Variants in EBF3 observed in about 807,000 individuals in gnomAD.
EBF3 encodes transcription factor COE3.
A neutral mutation model predicts 77.1 loss-of-function variants in EBF3; 18 were observed. The observed-to-expected ratio is 0.23, with a 90% CI of 0.16 to 0.35. The LOEUF (loss-of-function observed/expected upper bound fraction) is 0.35, where lower values mean the gene tolerates loss of function less well. EBF3 is among the 10% of genes least tolerant of loss of function. The pLI is 1.00. For synonymous variants in EBF3, 350 were observed against 343.5 expected, an observed-to-expected ratio of 1.02 and a Z score of -0.21; for missense variants, 558 against 860.0, an observed-to-expected ratio of 0.65 and a Z score of 4.39.
Position 129,963,832 on chromosome 10 carries a change from G to A in EBF3, c.-64C>T. ...CGTTTCCTCGAGCAGCGGCGCTCGGGGCTTGGCGGCAGGCGGCTGCCCTGG... is the reference window on the plus strand; with the variant it reads ...CGTTTCCTCGAGCAGCGGCGCTCGGAGCTTGGCGGCAGGCGGCTGCCCTGG... On this transcript the variant is annotated 5_prime_UTR_variant, in exon 1 of 17. Transcript: ENST00000440978. The surrounding 1 kb of genome is among the most constrained non-coding windows in gnomAD (Gnocchi z 7.1). 1 of 1,458,124 alleles carries A rather than the reference G, an allele frequency of 6.9e-7. No homozygotes were observed. The highest frequency in any genetic ancestry group is 9.1e-7 in the Non-Finnish European group (1 of 1,093,214). The allele number at this position is 1,458,124 out of a possible 1,614,324, so 90.3% of individuals were successfully genotyped here.
At chr10:129,887,862 G>A (rs1853718559) in intron 6 of EBF3, among the ~76,000 whole-genome samples, 2 of 152,230 alleles carry the variant, frequency 1.3e-5, no homozygotes, top group Non-Finnish European at 2.9e-5. Context: ...CCTGGCGAAT[G>A]GTAAGAGGCA....
At chr10:129,840,723 C>T (rs1849974896) in intron 14 of EBF3, 121 bp downstream of exon 14, 7 of 1,408,472 alleles carry the variant, frequency 5.0e-6, no homozygotes, top group Non-Finnish European at 6.7e-6. Flanking sequence ...CGCCCAGCCT[C>T]CAGGGCCACC....
At chr10:129,927,367 C>T (rs1856743635) in intron 6 of EBF3, among the ~76,000 whole-genome samples, 1 of 152,204 alleles carries the variant, frequency 6.6e-6, no homozygotes, top group Non-Finnish European at 1.5e-5. Context: ...CATAAATACC[C>T]TCAGAGAGCA....
At chr10:129,948,705 T>C (rs1208527937) in intron 6 of EBF3, among the ~76,000 whole-genome samples, 1 of 152,180 alleles carries the variant, frequency 6.6e-6, no homozygotes. Flanking sequence ...CTCTAAAAAA[T>C]AGTCTATTCA....
At chr10:129,850,284 C>A (rs940786363) in intron 10 of EBF3, among the ~76,000 whole-genome samples, 1 of 152,232 alleles carries the variant, frequency 6.6e-6, no homozygotes, top group Non-Finnish European at 1.5e-5. Context: ...AGGTGATAGA[C>A]GCTTTAATGC....
intron 8 of EBF3, among the ~76,000 whole-genome samples, chr10:129,868,347 C>T (rs372260237): frequency 6.6e-6 from 1 of 152,120 alleles, no homozygotes; most frequent in South Asian, 2.1e-4. Flanking sequence ...TTTTTTCATC[C>T]GCGAACTTTG....
chr10:129,936,268 C>G (rs1014732519), intron 6 of EBF3, among the ~76,000 whole-genome samples: 1 of 152,202 alleles, frequency 6.6e-6, no homozygotes, highest in Non-Finnish European at 1.5e-5. Context: ...TGGCTTCTAC[C>G]AGGTGGAACC....
At chr10:129,896,800 A>ACGCCCAGCC (rs978631727) in intron 6 of EBF3, among the ~76,000 whole-genome samples, 6 of 152,214 alleles carry the variant, frequency 3.9e-5, no homozygotes, top group African/African-American at 1.4e-4. Context: ...AGCTGGTGAC[A>ACGCCCAGCC]CGCCCAGCCC....
chr10:129,954,853 G>A (rs1858927057), intron 6 of EBF3, among the ~76,000 whole-genome samples: 3 of 152,084 alleles, frequency 2.0e-5, no homozygotes, highest in African/African-American at 7.2e-5. Context: ...ATTTTATTCT[G>A]CAATACTCAA....
In EBF3 at chr10:129,861,278, C is replaced by T. The variant is rs1740020332; in HGVS notation, c.1039+5863G>A. Among the ~76,000 whole-genome samples the T allele has an allele frequency of 6.6e-6, 1 of 152,156 alleles. No individual in the cohort carries two copies. The highest frequency in any genetic ancestry group is 2.1e-4 in the South Asian group (1 of 4,824). ...ACCCCAGTGATGGCAGTGGGCCTCA[C>T]TCCCAGGGGAAGGGGCTGAGGCACA... On this transcript the variant is annotated intron_variant, in intron 10 of 16. Coordinates refer to ENST00000440978, the MANE Select transcript of EBF3 (RefSeq NM_001375380.1). This position sits in a 1 kb window ranked among gnomAD's most constrained non-coding sequence, Gnocchi z 4.3.
At chr10:129,958,378 T>C (rs1294017339) in intron 5 of EBF3, among the ~76,000 whole-genome samples, 1 of 152,128 alleles carries the variant, frequency 6.6e-6, no homozygotes, top group African/African-American at 2.4e-5. Context: ...CTTGTGGTAG[T>C]TAGAAAAAAC....
At chr10:129,924,952 C>T (rs1474829297) in intron 6 of EBF3, among the ~76,000 whole-genome samples, 1 of 152,200 alleles carries the variant, frequency 6.6e-6, no homozygotes, top group South Asian at 2.1e-4. Context: ...GCATGAGCTA[C>T]GGCACCCGGC....
At chr10:129,921,553 C>A (rs1009393302) in intron 6 of EBF3, among the ~76,000 whole-genome samples, 1 of 152,234 alleles carries the variant, frequency 6.6e-6, no homozygotes, top group African/African-American at 2.4e-5. Flanking sequence ...GCAGCCTCCA[C>A]TAGGCCACCG....
At chr10:129,910,717 A>G (rs1246399231) in intron 6 of EBF3, among the ~76,000 whole-genome samples, 3 of 151,978 alleles carry the variant, frequency 2.0e-5, no homozygotes, top group African/African-American at 7.3e-5. Flanking sequence ...TTAAAGTTAC[A>G]AAGTTGTCCA....
At chr10:129,895,821 A>C (rs6482764) in intron 6 of EBF3, among the ~76,000 whole-genome samples, 55,251 of 152,148 alleles carry the variant, frequency 0.36, 10,413 homozygotes, top group African/African-American at 0.46. Flanking sequence ...TTAGTTAAAA[A>C]AATCCAGCTG....
intron 10 of EBF3, among the ~76,000 whole-genome samples, chr10:129,858,344 A>T (rs1034948451): frequency 2.6e-5 from 4 of 152,188 alleles, no homozygotes; most frequent in Non-Finnish European, 5.9e-5. Flanking sequence ...GCCTGATGCC[A>T]AGCATGTGGT....
chr10:129,915,462 G>GTGCA (rs374710538), intron 6 of EBF3, among the ~76,000 whole-genome samples: 1 of 139,636 alleles, frequency 7.2e-6, no homozygotes, highest in Non-Finnish European at 1.5e-5. Flanking sequence ...GCGCACACAT[G>GTGCA]CACACACACA....
At position 129,952,331 on chromosome 10, in the gene EBF3, C is replaced by T. The variant is rs1047676154; in HGVS notation, c.554+4927G>A. Among the ~76,000 whole-genome samples, 1 of 152,204 alleles carries T rather than the reference C, an allele frequency of 6.6e-6. No individual in the cohort carries two copies. The highest frequency in any genetic ancestry group is 1.5e-5 in the Non-Finnish European group (1 of 68,034). ...GTCATTTAAGAAGTTAATAAACAGT[C>T]TCCGTTTTGCAGGTTATCCAAATGC... On this transcript the variant is annotated intron_variant, in intron 6 of 16. Coordinates refer to ENST00000440978, the MANE Select transcript of EBF3 (RefSeq NM_001375380.1). This position sits in a 1 kb window ranked among gnomAD's most constrained non-coding sequence, Gnocchi z 4.7.
At chr10:129,932,633 T>C (rs1857099553) in intron 6 of EBF3, among the ~76,000 whole-genome samples, 1 of 152,072 alleles carries the variant, frequency 6.6e-6, no homozygotes, top group Admixed American at 6.6e-5. Context: ...TGTGATGCCA[T>C]CCCTGGAAAA....
Sources: allele counts gnomAD v4.1 joint callset (sites outside exome capture counted in the v4.1 genomes callset), GRCh38; gene constraint gnomAD v4.1.1; non-coding constraint Gnocchi (gnomAD v3.1); transcripts MANE v1.5; gene names NCBI Gene and HGNC (gene_info 2026-07-23, HGNC 2026-07-21).